DGKB: variants seen among roughly 807,000 people sequenced by gnomAD.
The protein encoded by DGKB is 90 kDa diacylglycerol kinase.
A neutral mutation model predicts 114.3 loss-of-function variants in DGKB; 67 were observed. That is an observed-to-expected ratio of 0.59 (90% confidence interval 0.48 to 0.72). The LOEUF (loss-of-function observed/expected upper bound fraction) is 0.72. Ranked by LOEUF, DGKB falls within the 30% of genes least tolerant of loss-of-function variation. The probability of loss-of-function intolerance (pLI) is 0.00; values close to 1 mark genes in which losing one functional copy is unlikely to be tolerated. For synonymous variants in DGKB, 398 were observed against 323.1 expected (o/e 1.23, Z -2.49); for missense variants, 907 against 975.2 (o/e 0.93, Z 0.93).
intron 25 of DGKB, among the ~76,000 whole-genome samples, chr7:14,171,393 C>T (rs1195327983): frequency 6.6e-6 from 1 of 152,070 alleles, no homozygotes; most frequent in Non-Finnish European, 1.5e-5. Flanking sequence ...ACAAAATACC[C>T]AGAGTAATTT....
chr7:14,288,431 G>A (rs1450879192), intron 23 of DGKB, among the ~76,000 whole-genome samples: 1 of 151,648 alleles, frequency 6.6e-6, no homozygotes, highest in Non-Finnish European at 1.5e-5. Context: ...AATTTAAAAA[G>A]AACTCACTCA....
chr7:14,846,366 G>T (rs1337074234), intron 1 of DGKB, among the ~76,000 whole-genome samples: 1 of 152,106 alleles, frequency 6.6e-6, no homozygotes, highest in African/African-American at 2.4e-5. Flanking sequence ...AAAAATAAGG[G>T]TTGGTTACAA....
At chr7:14,716,256 A>T (rs1452658452) in intron 6 of DGKB, among the ~76,000 whole-genome samples, 1 of 152,168 alleles carries the variant, frequency 6.6e-6, no homozygotes, top group Non-Finnish European at 1.5e-5. Flanking sequence ...CATCACCTGG[A>T]AACTTGTTAG....
chr7:14,793,269 TG>T (rs1840941408), intron 2 of DGKB, among the ~76,000 whole-genome samples: 1 of 152,122 alleles, frequency 6.6e-6, no homozygotes, highest in Non-Finnish European at 1.5e-5. Flanking sequence ...CATGTAAAAT[TG>T]TTTAGATTCA....
chr7:14,465,422 A>G (rs4721336), intron 21 of DGKB, among the ~76,000 whole-genome samples: 55,950 of 151,630 alleles, frequency 0.37, 10,641 homozygotes, highest in Admixed American at 0.47. Flanking sequence ...GAAGAGAGTC[A>G]GAATGTCCTG....
intron 20 of DGKB, among the ~76,000 whole-genome samples, chr7:14,487,839 C>T (rs1427896085): frequency 1.3e-5 from 2 of 151,810 alleles, no homozygotes; most frequent in African/African-American, 4.8e-5. Flanking sequence ...TCTCCAACTC[C>T]TGGCCTCAAG....
intron 2 of DGKB, among the ~76,000 whole-genome samples, chr7:14,819,835 C>T (rs1488213710): frequency 6.6e-6 from 1 of 151,960 alleles, no homozygotes; most frequent in African/African-American, 2.4e-5. Flanking sequence ...GAAGTAAACA[C>T]ACTAGGTAAA....
intron 21 of DGKB, among the ~76,000 whole-genome samples, chr7:14,384,993 C>T (rs1212216694): frequency 6.6e-6 from 1 of 151,804 alleles, no homozygotes; most frequent in East Asian, 1.9e-4. Flanking sequence ...GAATTACTTT[C>T]CTTAAAGGTA....
intron 14 of DGKB, among the ~76,000 whole-genome samples, chr7:14,621,996 T>C (rs1357873557): frequency 6.6e-6 from 1 of 152,134 alleles, no homozygotes; most frequent in African/African-American, 2.4e-5. Flanking sequence ...TTGTTCCTCA[T>C]AGTAAAAAAA....
At chr7:14,672,831 G>T (rs1819194743) in intron 13 of DGKB, 98 bp downstream of exon 13, 2 of 653,224 alleles carry the variant, frequency 3.1e-6, no homozygotes, top group Non-Finnish European at 5.2e-6. Context: ...CTTCTACCTT[G>T]ATTGATGAAA....
chr7:14,190,184 G>C (rs1562573960), intron 23 of DGKB, among the ~76,000 whole-genome samples: 1 of 152,108 alleles, frequency 6.6e-6, no homozygotes, highest in Admixed American at 6.5e-5. Context: ...AAGAAGAGAT[G>C]ATCAGCTATC....
At chr7:14,855,987 GTA>G (rs3036251) in intron 1 of DGKB, among the ~76,000 whole-genome samples, 148 of 143,698 alleles carry the variant, frequency 1.0e-3, no homozygotes, top group South Asian at 2.3e-3. Context: ...TAGATAATGT[GTA>G]TATATATATA....
intron 25 of DGKB, among the ~76,000 whole-genome samples, chr7:14,166,803 A>C (rs1784673379): frequency 6.6e-6 from 1 of 152,168 alleles, no homozygotes; most frequent in Non-Finnish European, 1.5e-5. Flanking sequence ...GCAGAACAAA[A>C]ACTGGAATTG....
At position 14,279,710 on chromosome 7, in the gene DGKB, C is replaced by G. The variant is rs192064692; in HGVS notation, c.2122+58805G>C. Among the ~76,000 whole-genome samples, 9 of 152,114 alleles carry G rather than the reference C, an allele frequency of 5.9e-5. No individual in the cohort carries two copies. The East Asian group carries it at 1.6e-3, about 26-fold the overall frequency. ...AAGTGGGTCCCTCACCCCTGACCCC[C>G]GAGCAGCCTAACTGGGAGGCACCCT... is the stretch of plus-strand genomic sequence containing the variant. On this transcript the variant is annotated intron_variant, in intron 23 of 25. Transcript: ENST00000402815.
intron 2 of DGKB, among the ~76,000 whole-genome samples, chr7:14,829,821 T>C (rs914036447): frequency 2.0e-5 from 3 of 152,032 alleles, no homozygotes; most frequent in African/African-American, 7.2e-5. Context: ...AACATATTAT[T>C]AATTGAGGGG....
At chr7:14,889,116 T>C (rs942500379) in intron 1 of DGKB, among the ~76,000 whole-genome samples, 19 of 151,818 alleles carry the variant, frequency 1.3e-4, no homozygotes, top group African/African-American at 4.3e-4. Flanking sequence ...ATGAGGACCA[T>C]GACTCAGCTA....
At chr7:14,947,148 G>C (rs1046772261) in intron 1 of DGKB, among the ~76,000 whole-genome samples, 33 of 151,628 alleles carry the variant, frequency 2.2e-4, no homozygotes, top group Non-Finnish European at 2.5e-4. Context: ...TCTAATTTTT[G>C]AGATGATTCA....
intron 2 of DGKB, among the ~76,000 whole-genome samples, chr7:14,815,831 T>C (rs1318643662): frequency 6.6e-6 from 1 of 152,180 alleles, no homozygotes; most frequent in Admixed American, 6.5e-5. Context: ...AAGAACACAT[T>C]GCTGGGAACA....
intron 1 of DGKB, among the ~76,000 whole-genome samples, chr7:14,928,992 T>G (rs1784874505): frequency 6.6e-6 from 1 of 151,344 alleles, no homozygotes; most frequent in Admixed American, 6.6e-5. Flanking sequence ...TTCCATTCTT[T>G]TTTATGGCTG....
Sources: gnomAD v4.1 joint callset for allele counts (sites outside exome capture counted in the v4.1 genomes callset) on GRCh38, gnomAD v4.1.1 for gene constraint, MANE v1.5 for transcripts, NCBI Gene and HGNC (gene_info 2026-07-23, HGNC 2026-07-21) for gene names.